The following TMEM44 variants were observed in gnomAD, a reference collection of about 807,000 sequenced individuals.
TMEM44 encodes transmembrane protein 44.
Under a neutral mutation model 47.8 loss-of-function variants are expected in TMEM44, and 43 were observed. The ratio of observed to expected loss-of-function variants is 0.90; its 90% CI spans 0.70 to 1.16. The LOEUF is 1.16. Ranked by LOEUF, TMEM44 falls within the 50% of genes most tolerant of loss-of-function variation. The pLI is 0.00. For synonymous variants in TMEM44, 277 were observed against 238.8 expected (o/e 1.16, Z -1.48); for missense variants, 568 against 555.2 (o/e 1.02, Z -0.23).
At chr3:194,604,687 C>T (rs531594170) in intron 8 of TMEM44, among the ~76,000 whole-genome samples, 11 of 152,316 alleles carry the variant, frequency 7.2e-5, no homozygotes, top group African/African-American at 2.6e-4. Flanking sequence ...ATATTTCCCC[C>T]GATTTCCAAA....
At chr3:194,610,010 C>T (rs900448435) in intron 8 of TMEM44, among the ~76,000 whole-genome samples, 4 of 152,036 alleles carry the variant, frequency 2.6e-5, no homozygotes, top group South Asian at 2.1e-4. Flanking sequence ...CAGCAGATCA[C>T]GAGGTCAAGA....
intron 1 of TMEM44, among the ~76,000 whole-genome samples, chr3:194,629,753 G>A (rs1242117971): frequency 2.7e-5 from 2 of 73,944 alleles, no homozygotes; most frequent in African/African-American, 6.6e-5. Context: ...TTCCATCGGC[G>A]TCACTGATAG....
At position 194,623,210 on chromosome 3, in the gene TMEM44, AC is replaced by A; in HGVS notation, c.612+13del. 6.3e-7 allele frequency: 1 copy of A among 1,594,492 alleles called. No individual in the cohort carries two copies. The highest frequency in any genetic ancestry group is 8.5e-7 in the Non-Finnish European group (1 of 1,170,486). ...TCATGTGACCCACAGTCCCATCCCC[AC>A]CCCCGGCCTCACAATTCTGGAGAGA... On this transcript the variant is annotated intron_variant, in intron 5 of 9. Transcript: ENST00000347147.
intron 8 of TMEM44, among the ~76,000 whole-genome samples, chr3:194,605,144 G>C (rs200361702): frequency 1.6e-4 from 21 of 131,642 alleles, no homozygotes; most frequent in African/African-American, 4.5e-4. Context: ...ATCTATCTAT[G>C]TATGTATCTA....
chr3:194,624,357 T>C (rs1001614550), intron 3 of TMEM44, among the ~76,000 whole-genome samples: 2 of 152,014 alleles, frequency 1.3e-5, no homozygotes, highest in African/African-American at 4.8e-5. Flanking sequence ...AGAGCATTTC[T>C]CTTCTGGGCA....
chr3:194,598,840 A>G (rs908301089), intron 9 of TMEM44, among the ~76,000 whole-genome samples: 1 of 152,200 alleles, frequency 6.6e-6, no homozygotes, highest in African/African-American at 2.4e-5. Context: ...AGGACCATAG[A>G]TAAGGTAAAC....
At position 194,626,002 on chromosome 3, in the gene TMEM44, C is replaced by T. The variant is rs200476151; in HGVS notation, c.265-12G>A. On this transcript the variant is annotated splice_polypyrimidine_tract_variant and intron_variant, in intron 2 of 9. Transcript: ENST00000347147. ...GCACCAGTGAAAACCTGGGAGCAAA[C>T]GGGAAGAGAGTCTTGGCATTCAAGC... 1.3e-3 allele frequency: 2,007 copies of T among 1,599,768 alleles called. 3 individuals are homozygous for T. Among genetic ancestry groups the T allele is most frequent in the Non-Finnish European group, 1.6e-3 (1,831 of 1,167,354 alleles).
At chr3:194,597,970 A>G (rs1713625465) in intron 9 of TMEM44, among the ~76,000 whole-genome samples, 1 of 152,222 alleles carries the variant, frequency 6.6e-6, no homozygotes, top group Non-Finnish European at 1.5e-5. Context: ...TCTTTATTCA[A>G]CATCTGTTCA....
At chr3:194,630,903 C>T in intron 1 of TMEM44, among the ~76,000 whole-genome samples, 1 of 148,578 alleles carries the variant, frequency 6.7e-6, no homozygotes, top group African/African-American at 2.5e-5. Context: ...GTCAGCGTCA[C>T]TGATGGGGCC....
chr3:194,614,225 G>A (rs901251373), intron 7 of TMEM44, among the ~76,000 whole-genome samples: 1 of 152,164 alleles, frequency 6.6e-6, no homozygotes. Context: ...ATGGGTCCTC[G>A]TGGCTTGAGA....
rs779630803 is a variant in TMEM44 at position 194,628,525 on chromosome 3, T to C, written c.138-16A>G. On this transcript the variant is annotated splice_polypyrimidine_tract_variant and intron_variant, in intron 1 of 9. Transcript: ENST00000347147. ...ATAGAGAAGCCTGGGGTGACAGGGG[T>C]GTGGACAGAACACAGCAACTGTGAG... The C allele has an allele frequency of 3.2e-5, 51 of 1,606,944 alleles. 2 individuals are homozygous for C. The South Asian group carries it at 5.7e-4, about 18-fold the overall frequency.
chr3:194,629,363 C>T (rs1456513115), intron 1 of TMEM44, among the ~76,000 whole-genome samples: 6 of 152,240 alleles, frequency 3.9e-5, no homozygotes, highest in Non-Finnish European at 8.8e-5. Context: ...TTGGAGCTGT[C>T]CCTCCCTCAG....
At chr3:194,606,270 C>T (rs1486006982) in intron 8 of TMEM44, among the ~76,000 whole-genome samples, 1 of 152,172 alleles carries the variant, frequency 6.6e-6, no homozygotes. Context: ...CCTGGAAAAT[C>T]GCTCCTTAGG....
Position 194,630,087 on chromosome 3 carries a change from G to A in TMEM44, c.138-1578C>T, listed in dbSNP as rs557121488. 8.0e-5 allele frequency among the ~76,000 whole-genome samples: 9 copies of A among 111,908 alleles called. 3 individuals are homozygous for A. The East Asian group carries it at 3.6e-3, about 44-fold the overall frequency. 73.4% of individuals were successfully genotyped at this position (111,908 alleles called of 152,430 possible). ...TAATACGCTGTCGTACCTGCCTCCC[G>A]AAGGGGCTGGCTGTTTCCATCGGCG... On this transcript the variant is annotated intron_variant, in intron 1 of 9. Transcript: ENST00000347147.
intron 9 of TMEM44, 82 bp from the exon 10 acceptor site, chr3:194,588,721 G>A (rs563025026): frequency 8.2e-6 from 11 of 1,348,498 alleles, no homozygotes; most frequent in Non-Finnish European, 1.2e-5. Flanking sequence ...CCAAACAAAA[G>A]CTCCAATCTT....
At position 194,618,152 on chromosome 3, in the gene TMEM44, C is replaced by A. The variant is rs533741547; in HGVS notation, c.613-883G>T. ...CCGGATCAGAAGAGCTGAGGCCCGG[C>A]CCTTCTCTCCCTGGGACCCCGATTC... On this transcript the variant is annotated intron_variant, in intron 5 of 9. Coordinates refer to ENST00000347147, the MANE Select transcript of TMEM44 (RefSeq NM_001011655.3). 1.4e-4 allele frequency among the ~76,000 whole-genome samples: 21 copies of A among 152,298 alleles called. No individual in the cohort carries two copies. In the South Asian group the frequency reaches 2.9e-3, roughly 21 times the overall value.
chr3:194,606,623 TATTA>T (rs1329197389), intron 8 of TMEM44, among the ~76,000 whole-genome samples: 3 of 152,098 alleles, frequency 2.0e-5, no homozygotes, highest in Non-Finnish European at 2.9e-5. Context: ...AAAATAACAT[TATTA>T]ATTGTTAATA....
chr3:194,595,900 C>T (rs111473679), intron 9 of TMEM44, among the ~76,000 whole-genome samples: 14,901 of 152,160 alleles, frequency 0.098, 814 homozygotes, highest in South Asian at 0.21. Flanking sequence ...GCTGGGATTA[C>T]AAGCGTGAGC....
chr3:194,619,735 T>C (rs1167480335), intron 5 of TMEM44, among the ~76,000 whole-genome samples: 1 of 152,134 alleles, frequency 6.6e-6, no homozygotes, highest in Non-Finnish European at 1.5e-5. Flanking sequence ...TTTCTCCCTA[T>C]GAAGGGAACC....
Sources: gnomAD v4.1 joint callset for allele counts (sites outside exome capture counted in the v4.1 genomes callset) on GRCh38, gnomAD v4.1.1 for gene constraint, MANE v1.5 for transcripts, NCBI Gene and HGNC (gene_info 2026-07-23, HGNC 2026-07-21) for gene names.